LTBP2: variants seen among roughly 807,000 people sequenced by gnomAD.
The protein encoded by LTBP2 is latent-transforming growth factor beta-binding protein 2.
LTBP2 carries 103 observed loss-of-function variants against 210.6 expected under a neutral mutation model. The observed-to-expected ratio is 0.49, with a 90% CI of 0.42 to 0.58. LTBP2 has a LOEUF of 0.58. Ranked by LOEUF, LTBP2 falls within the 20% of genes least tolerant of loss-of-function variation. The probability of loss-of-function intolerance (pLI) is 0.00; values close to 1 mark genes in which losing one functional copy is unlikely to be tolerated. For synonymous variants in LTBP2, 1,007 were observed against 1,015.0 expected (o/e 0.99, Z 0.15); for missense variants, 2,313 against 2,494.5 (o/e 0.93, Z 1.55).
chr14:74,535,497 A>T (rs2087409464), intron 9 of LTBP2, among the ~76,000 whole-genome samples: 1 of 152,158 alleles, frequency 6.6e-6, no homozygotes, highest in Non-Finnish European at 1.5e-5. Context: ...GAGTAGCTAA[A>T]GGTTTTCAGT....
chr14:74,516,613 C>T (rs2045152035), intron 18 of LTBP2, among the ~76,000 whole-genome samples: 1 of 152,170 alleles, frequency 6.6e-6, no homozygotes, highest in African/African-American at 2.4e-5. Flanking sequence ...TGCTCCCCTG[C>T]TGCAGGTGGC....
chr14:74,594,624 C>T (rs1380604946), intron 2 of LTBP2, among the ~76,000 whole-genome samples: 2 of 152,212 alleles, frequency 1.3e-5, no homozygotes, highest in Admixed American at 1.3e-4. Context: ...CCTGGGCATC[C>T]AACTTGGGAC....
At chr14:74,584,442 G>A (rs555548447) in intron 3 of LTBP2, among the ~76,000 whole-genome samples, 1 of 152,254 alleles carries the variant, frequency 6.6e-6, no homozygotes, top group South Asian at 2.1e-4. Flanking sequence ...GCCCACCCCT[G>A]CCCTGGCTGG....
intron 3 of LTBP2, among the ~76,000 whole-genome samples, chr14:74,579,263 C>A (rs1287824474): frequency 6.6e-6 from 1 of 152,204 alleles, no homozygotes; most frequent in African/African-American, 2.4e-5. Flanking sequence ...GAAGGGATGC[C>A]TGGGTCTCCC....
At chr14:74,533,400 G>C (rs2087376949) in intron 9 of LTBP2, among the ~76,000 whole-genome samples, 1 of 152,190 alleles carries the variant, frequency 6.6e-6, no homozygotes, top group African/African-American at 2.4e-5. Context: ...CAGGGGGACT[G>C]TGTGGGTTGG....
At chr14:74,598,585 C>T (rs557264826) in intron 2 of LTBP2, among the ~76,000 whole-genome samples, 2 of 152,328 alleles carry the variant, frequency 1.3e-5, no homozygotes, top group African/African-American at 4.8e-5. Flanking sequence ...TAGAGTGCAT[C>T]GCACATGCCA....
In LTBP2 at chr14:74,506,239, G is replaced by A. The variant is rs2286411; in HGVS notation, c.4034-48C>T. The A allele has an allele frequency of 0.16, 254,640 of 1,612,900 alleles. 21,050 individuals are homozygous for A. Among genetic ancestry groups the A allele is most frequent in the South Asian group, 0.25 (22,380 of 91,062 alleles). On this transcript the variant is annotated intron_variant, in intron 27 of 35. Transcript: ENST00000261978. ...CGTGGGCAGAAAAGAGGCAGCCCGT[G>A]CCCCCTGCCCCTGACTACAGCCCAC...
intron 2 of LTBP2, among the ~76,000 whole-genome samples, chr14:74,593,525 G>C (rs956689163): frequency 6.6e-6 from 1 of 152,228 alleles, no homozygotes; most frequent in African/African-American, 2.4e-5. Context: ...GCACCTGGAC[G>C]TGGGTGTACT....
At chr14:74,610,742 G>T (rs541756368) in intron 1 of LTBP2, among the ~76,000 whole-genome samples, 1 of 152,314 alleles carries the variant, frequency 6.6e-6, no homozygotes, top group South Asian at 2.1e-4. Flanking sequence ...TAAATTGCAG[G>T]GTTGTGCGGT....
Position 74,509,778 on chromosome 14 carries a change from C to T in LTBP2, c.3233G>A (p.Cys1078Tyr), listed in dbSNP as rs371868718. 6.2e-7 allele frequency: 1 copy of T among 1,614,012 alleles called. No individual in the cohort carries two copies. Among genetic ancestry groups the T allele is most frequent in the Non-Finnish European group, 8.5e-7 (1 of 1,180,042 alleles). ...TTCATTCACCCAGTACCCGTTCTCA[C>T]AGGCAGAGCAGGCGAAGGAGCCCTC... ...NTEGSFACSA[C>Y]ENGYWVNEDG... The change falls in exon 21 of 36, where the codon TGT becomes TAT. Residue 1078 changes from cysteine to tyrosine, a missense_variant. By Grantham distance (194) the Cys-to-Tyr change is radical (BLOSUM62 -2). Transcript: ENST00000261978.
chr14:74,575,073 T>C (rs1222006390), intron 3 of LTBP2, among the ~76,000 whole-genome samples: 1 of 152,198 alleles, frequency 6.6e-6, no homozygotes, highest in African/African-American at 2.4e-5. Flanking sequence ...GAAGGCACAC[T>C]GGCCCCCACC....
At position 74,611,538 on chromosome 14, in the gene LTBP2, G is replaced by A. The variant is rs1332878124; in HGVS notation, c.407C>T (p.Thr136Ile). 3.1e-5 allele frequency: 48 copies of A among 1,565,778 alleles called. No homozygotes were observed. The highest frequency in any genetic ancestry group is 3.8e-5 in the Non-Finnish European group (44 of 1,163,588). Residue 136 changes from threonine (T) to isoleucine (I), a missense_variant, in exon 1 of 36, where the codon ACC becomes ATC. Thr to Ile is a moderately conservative substitution (Grantham distance 89, BLOSUM62 -1). This residue lies in a region of LTBP2 where 1,867 missense variants were observed against 1,976.9 expected (regional missense o/e 0.94). Coordinates refer to ENST00000261978, the MANE Select transcript of LTBP2 (RefSeq NM_000428.3). The part of the protein sequence containing the change: ...PLGQQQPAPR[T>I]RAAPALPRLG... ...GCGTGGGAGAGCCGGCGCGGCCCGG[G>A]TCCGGGGTGCTGGTTGCTGCTGGCC...
At chr14:74,593,430 T>C (rs1004658894) in intron 2 of LTBP2, among the ~76,000 whole-genome samples, 1 of 152,214 alleles carries the variant, frequency 6.6e-6, no homozygotes, top group African/African-American at 2.4e-5. Context: ...CTCGCTGAGA[T>C]GTCTCCACCA....
Position 74,500,272 on chromosome 14 carries a change from T to C in LTBP2, c.*612A>G, listed in dbSNP as rs1002059398. ...TTCAACAAGCTAATATCAGCCTTGC[T>C]TCTCTGAGTGAAGGGATCTTCTGCC... is the stretch of plus-strand genomic sequence containing the variant. On this transcript the variant is annotated 3_prime_UTR_variant, in exon 36 of 36. Transcript: ENST00000261978. 4.2e-6 allele frequency: 1 copy of C among 240,442 alleles called. No homozygotes were observed. The highest frequency in any genetic ancestry group is 2.2e-5 in the African/African-American group (1 of 45,414). 14.9% of individuals were successfully genotyped at this position (240,442 alleles called of 1,614,324 possible). A position where few individuals can be genotyped will look rare whatever the true frequency, so the allele number is the denominator to read the frequency against.
rs374361736 is a variant in LTBP2 at position 74,565,225 on chromosome 14, C to T, written c.831-9532G>A. ...GTCTTTTGTCCCCTAAGCTCCAATG[C>T]GGGGTGGACAAAGGGACTAGTACCC... On this transcript the variant is annotated intron_variant, in intron 3 of 35. Transcript: ENST00000261978. Among the ~76,000 whole-genome samples the T allele has an allele frequency of 6.6e-5, 10 of 152,286 alleles. No individual in the cohort carries two copies. The South Asian group carries it at 8.3e-4, about 13-fold the overall frequency.
intron 3 of LTBP2, among the ~76,000 whole-genome samples, chr14:74,569,176 CAGGG>C (rs1210332263): frequency 3.8e-4 from 35 of 92,490 alleles, no homozygotes; most frequent in South Asian, 8.2e-4. Flanking sequence ...AGAAGGGAAG[CAGGG>C]AGGGAGGGAG....
chr14:74,502,950 G>A lies in LTBP2; in HGVS notation c.4889-16C>T. On this transcript the variant is annotated splice_polypyrimidine_tract_variant and intron_variant, in intron 33 of 35. Coordinates refer to ENST00000261978, the MANE Select transcript of LTBP2 (RefSeq NM_000428.3). ...GCATAGACCTCTGTCAGGGAGGAGG[G>A]AGAGAAGGAGCTGGGTTCTAGCTCC... The A allele has an allele frequency of 1.2e-6, 2 of 1,609,572 alleles. No homozygotes were observed. Among genetic ancestry groups the A allele is most frequent in the Non-Finnish European group, 1.7e-6 (2 of 1,179,884 alleles).
Position 74,508,113 on chromosome 14 carries a change from G to T in LTBP2, c.3653-18C>A. The T allele has an allele frequency of 6.2e-7, 1 of 1,613,380 alleles. No individual in the cohort carries two copies. Among genetic ancestry groups the T allele is most frequent in the Non-Finnish European group, 8.5e-7 (1 of 1,179,914 alleles). ...GTCCACATCTAGAGTAGAGATGGCT[G>T]TCAGCAGACCCAGCCACGGGTCCCT... On this transcript the variant is annotated intron_variant, in intron 24 of 35. Transcript: ENST00000261978.
chr14:74,603,024 C>T (rs773916174), intron 2 of LTBP2, among the ~76,000 whole-genome samples: 1 of 152,180 alleles, frequency 6.6e-6, no homozygotes, highest in Non-Finnish European at 1.5e-5. Context: ...GAGACCCTGC[C>T]GGCAGTGTGA....
Sources: gnomAD v4.1 joint callset for allele counts (sites outside exome capture counted in the v4.1 genomes callset) on GRCh38, gnomAD v4.1.1 for gene constraint, gnomAD v4.1.1 regional missense constraint, MANE v1.5 for transcripts, NCBI Gene and HGNC (gene_info 2026-07-23, HGNC 2026-07-21) for gene names.